Variants in IPCEF1 observed in about 807,000 individuals in gnomAD.
The protein encoded by IPCEF1 is interaction protein for cytohesin exchange factors 1.
IPCEF1 carries 31 observed loss-of-function variants against 50.9 expected under a neutral mutation model. That is an observed-to-expected ratio of 0.61 (90% CI 0.46 to 0.82). The LOEUF (loss-of-function observed/expected upper bound fraction) is 0.82. Ranked by LOEUF, IPCEF1 falls within the 40% of genes least tolerant of loss-of-function variation. The probability of loss-of-function intolerance (pLI) is 0.00; values close to 1 mark genes in which losing one functional copy is unlikely to be tolerated. For synonymous variants in IPCEF1, 181 were observed against 192.0 expected, an observed-to-expected ratio of 0.94 and a Z score of 0.47; for missense variants, 458 against 514.0, an observed-to-expected ratio of 0.89 and a Z score of 1.05.
chr6:154,252,778 G>A (rs999378974), intron 3 of IPCEF1, among the ~76,000 whole-genome samples: 1 of 152,198 alleles, frequency 6.6e-6, no homozygotes, highest in African/African-American at 2.4e-5. Context: ...ATCCGAGTGG[G>A]TTGAGAGATG....
intron 3 of IPCEF1, among the ~76,000 whole-genome samples, chr6:154,262,088 G>A (rs1285718938): frequency 1.3e-5 from 2 of 152,200 alleles, no homozygotes; most frequent in South Asian, 2.1e-4. Flanking sequence ...AAAGCTGCTG[G>A]AAGAAATGCT....
intron 11 of IPCEF1, among the ~76,000 whole-genome samples, chr6:154,167,307 C>T (rs1280872314): frequency 2.0e-5 from 3 of 152,220 alleles, no homozygotes; most frequent in African/African-American, 7.2e-5. Flanking sequence ...AAAATAGCTT[C>T]AGTACTTCCT....
intron 2 of IPCEF1, among the ~76,000 whole-genome samples, chr6:154,289,048 AAAAC>A (rs561156421): frequency 2.6e-5 from 4 of 152,210 alleles, no homozygotes; most frequent in Admixed American, 6.5e-5. Context: ...CACTGTCTCA[AAAAC>A]AAACAAACAA....
chr6:154,344,808 C>T (rs1333737708), intron 1 of IPCEF1, among the ~76,000 whole-genome samples: 2 of 152,180 alleles, frequency 1.3e-5, no homozygotes, highest in Non-Finnish European at 2.9e-5. Flanking sequence ...GCTCCTGGAT[C>T]ATGCTCTCTC....
chr6:154,220,093 A>G (rs1428465206), intron 7 of IPCEF1, among the ~76,000 whole-genome samples: 1 of 151,812 alleles, frequency 6.6e-6, no homozygotes, highest in Non-Finnish European at 1.5e-5. Flanking sequence ...CAAGAGAGCA[A>G]TGAGAACTAC....
At chr6:154,218,217 C>A (rs1364722054) in intron 7 of IPCEF1, among the ~76,000 whole-genome samples, 3 of 152,044 alleles carry the variant, frequency 2.0e-5, no homozygotes, top group South Asian at 2.1e-4. Flanking sequence ...ATTAACTTGA[C>A]GTGAATGTGT....
At chr6:154,249,344 C>T (rs1414051830) in intron 3 of IPCEF1, among the ~76,000 whole-genome samples, 2 of 151,804 alleles carry the variant, frequency 1.3e-5, no homozygotes, top group African/African-American at 2.4e-5. Context: ...ATATTTTTGC[C>T]CAAATATGTA....
At chr6:154,204,234 T>C (rs1289968723) in intron 9 of IPCEF1, among the ~76,000 whole-genome samples, 1 of 152,200 alleles carries the variant, frequency 6.6e-6, no homozygotes, top group African/African-American at 2.4e-5. Flanking sequence ...AATCCTTTTC[T>C]TGGAATTGTT....
chr6:154,170,038 T>C (rs1212784952), intron 10 of IPCEF1, among the ~76,000 whole-genome samples: 1 of 152,200 alleles, frequency 6.6e-6, no homozygotes, highest in Non-Finnish European at 1.5e-5. Context: ...GCTAATATGT[T>C]ACCCATGTTA....
At chr6:154,228,738 T>C (rs1304313669) in intron 5 of IPCEF1, among the ~76,000 whole-genome samples, 1 of 152,232 alleles carries the variant, frequency 6.6e-6, no homozygotes, top group African/African-American at 2.4e-5. Flanking sequence ...CACTCTGCTC[T>C]TGGCCAGATG....
At chr6:154,191,064 A>G (rs931312392) in intron 10 of IPCEF1, among the ~76,000 whole-genome samples, 1 of 152,110 alleles carries the variant, frequency 6.6e-6, no homozygotes, top group Non-Finnish European at 1.5e-5. Context: ...TCAAAAAAAG[A>G]AAAAGTGACC....
At chr6:154,208,172 C>A (rs1394510860) in intron 9 of IPCEF1, among the ~76,000 whole-genome samples, 2 of 151,748 alleles carry the variant, frequency 1.3e-5, no homozygotes, top group African/African-American at 2.4e-5. Flanking sequence ...GGCCCATATG[C>A]CCTCCACGAT....
chr6:154,290,546 C>A (rs556876111), intron 1 of IPCEF1, among the ~76,000 whole-genome samples: 2 of 152,168 alleles, frequency 1.3e-5, no homozygotes, highest in African/African-American at 2.4e-5. Flanking sequence ...CTAAGTCATG[C>A]CCCTCAATTG....
At chr6:154,167,428 C>G (rs1027090516) in intron 11 of IPCEF1, among the ~76,000 whole-genome samples, 2 of 152,194 alleles carry the variant, frequency 1.3e-5, no homozygotes, top group African/African-American at 2.4e-5. Flanking sequence ...GTGCCCACAG[C>G]TGACAATCAC....
intron 9 of IPCEF1, among the ~76,000 whole-genome samples, chr6:154,211,192 G>A (rs868053427): frequency 2.2e-4 from 33 of 152,114 alleles, no homozygotes; most frequent in Non-Finnish European, 3.7e-4. Flanking sequence ...CGAGGCAGGC[G>A]GATCATGAGG....
At chr6:154,180,414 A>ATTTT (rs761333730) in intron 10 of IPCEF1, among the ~76,000 whole-genome samples, 51 of 65,184 alleles carry the variant, frequency 7.8e-4, no homozygotes, top group South Asian at 3.1e-3. Flanking sequence ...ATATATATAT[A>ATTTT]TTTTTTTTTT....
In IPCEF1 at chr6:154,334,996, C is replaced by T. The variant is rs550252822; in HGVS notation, c.-62+21676G>A. Among the ~76,000 whole-genome samples, 39 of 151,930 alleles carry T rather than the reference C, an allele frequency of 2.6e-4. No homozygotes were observed. In the South Asian group the frequency reaches 7.1e-3, roughly 28 times the overall value. On this transcript the variant is annotated intron_variant, in intron 1 of 11. Coordinates refer to ENST00000367220, the MANE Select transcript of IPCEF1 (RefSeq NM_001130700.2). Reference sequence around the variant, plus strand: ...ACCCACCAAGAATAATTGTTTTTTTCTTCCCCTCCCTGTAAAACCAAGAAT... The same window carrying T: ...ACCCACCAAGAATAATTGTTTTTTTTTTCCCCTCCCTGTAAAACCAAGAAT...
chr6:154,270,107 G>A (rs946017445), intron 2 of IPCEF1, among the ~76,000 whole-genome samples: 12 of 152,050 alleles, frequency 7.9e-5, no homozygotes, highest in African/African-American at 2.9e-4. Flanking sequence ...ATGACTATTT[G>A]ATATATCATG....
intron 2 of IPCEF1, among the ~76,000 whole-genome samples, chr6:154,276,667 T>C (rs1448421225): frequency 1.3e-5 from 2 of 152,220 alleles, no homozygotes; most frequent in Non-Finnish European, 2.9e-5. Flanking sequence ...CAGGGCCCTA[T>C]GGTCATCAGC....
Sources: gnomAD v4.1 joint callset for allele counts (sites outside exome capture counted in the v4.1 genomes callset) on GRCh38, gnomAD v4.1.1 for gene constraint, MANE v1.5 for transcripts, NCBI Gene and HGNC (gene_info 2026-07-23, HGNC 2026-07-21) for gene names.